SYTL5: variants seen among roughly 807,000 people sequenced by gnomAD.
The protein encoded by SYTL5 is synaptotagmin like 5, also known as synaptotagmin-like protein 5.
Under a neutral mutation model 55.9 loss-of-function variants are expected in SYTL5, and 34 were observed. The observed-to-expected ratio is 0.61, with a 90% CI of 0.46 to 0.81. The LOEUF is 0.81. Among genes scored for constraint, SYTL5 ranks in the 30% least tolerant of loss-of-function variants. The pLI is 0.00. For synonymous variants in SYTL5, 221 were observed against 188.7 expected (o/e 1.17, Z -1.40); for missense variants, 637 against 546.7 (o/e 1.17, Z -1.65).
At chrX:38,007,133 T>C (rs1934017831) in intron 1 of SYTL5, among the ~76,000 whole-genome samples, 1 of 111,813 alleles carries the variant, frequency 8.9e-6, no homozygotes. Context: ...TATTAGAAAA[T>C]TTAGATGTTT....
chrX:38,087,711 A>T (rs1474936), intron 6 of SYTL5, among the ~76,000 whole-genome samples: 33,882 of 110,822 alleles, frequency 0.31, 4,397 homozygotes, highest in African/African-American at 0.47. Context: ...CCTTTGATTA[A>T]CTTCTGTTTG....
At chrX:38,056,239 A>G (rs937824392) in intron 3 of SYTL5, among the ~76,000 whole-genome samples, 1 of 111,744 alleles carries the variant, frequency 8.9e-6, no homozygotes, top group Non-Finnish European at 1.9e-5. Context: ...TGCCTAGCTT[A>G]TTTCACTTAA....
chrX:37,949,241 C>T, the SYTL5 span: 1 of 111,689 alleles, frequency 9.0e-6, no homozygotes, highest in Non-Finnish European at 1.9e-5. Flanking sequence ...CCTTTAAATG[C>T]TACTTTGTTA....
At chrX:37,969,454 A>T in the SYTL5 span, among the ~76,000 whole-genome samples, 5 of 112,009 alleles carry the variant, frequency 4.5e-5, no homozygotes, top group African/African-American at 1.6e-4. Flanking sequence ...TTGAAGTGAA[A>T]CATCACTTCC....
At chrX:37,981,700 A>G in the SYTL5 span, among the ~76,000 whole-genome samples, 1 of 111,845 alleles carries the variant, frequency 8.9e-6, no homozygotes, top group Non-Finnish European at 1.9e-5. Flanking sequence ...GTTAGAAGCA[A>G]CAGAACAATC....
chrX:38,112,780 C>T (rs142472819), intron 13 of SYTL5, among the ~76,000 whole-genome samples: 3,886 of 111,879 alleles, frequency 0.035, 65 homozygotes, highest in Middle Eastern at 0.068. Context: ...TGAAGTGGCA[C>T]TTCAGTTTCA....
At chrX:38,122,741 C>A (rs1937585898) in intron 15 of SYTL5, among the ~76,000 whole-genome samples, 1 of 112,145 alleles carries the variant, frequency 8.9e-6, no homozygotes, top group African/African-American at 3.2e-5. Context: ...GGGCAGCTTC[C>A]TGAGGGAATG....
chrX:38,037,827 T>TAGAC (rs1448531927), intron 2 of SYTL5, among the ~76,000 whole-genome samples: 1 of 110,662 alleles, frequency 9.0e-6, no homozygotes, highest in Non-Finnish European at 1.9e-5. Flanking sequence ...GATAGATAGA[T>TAGAC]AGATAGATAA....
chrX:38,116,229 T>C (rs1383846542), intron 13 of SYTL5, among the ~76,000 whole-genome samples: 1 of 112,291 alleles, frequency 8.9e-6, no homozygotes, highest in Admixed American at 9.4e-5. Context: ...GGCACTTTTG[T>C]TGAAAATCAA....
At chrX:38,119,037 C>T (rs981181929) in intron 13 of SYTL5, among the ~76,000 whole-genome samples, 7 of 103,988 alleles carry the variant, frequency 6.7e-5, no homozygotes, top group African/African-American at 2.2e-4. Flanking sequence ...TGGTCTCAAA[C>T]TCCTGGGCTC....
the SYTL5 span, among the ~76,000 whole-genome samples, chrX:37,905,916 C>T: frequency 8.8e-6 from 1 of 113,176 alleles, no homozygotes; most frequent in Non-Finnish European, 1.9e-5. Context: ...CGCCTGGAGA[C>T]CGCGTCTCTC....
At chrX:37,942,204 AATTTTATGGC>A in the SYTL5 span, among the ~76,000 whole-genome samples, 1 of 112,036 alleles carries the variant, frequency 8.9e-6, no homozygotes, top group African/African-American at 3.2e-5. Context: ...TACATATGTG[AATTTTATGGC>A]ATTTTTTCAT....
chrX:37,995,748 A>G, the SYTL5 span, among the ~76,000 whole-genome samples: 1 of 112,362 alleles, frequency 8.9e-6, no homozygotes, highest in Admixed American at 9.4e-5. Flanking sequence ...TAGGATGGGT[A>G]ATGGCAGTGA....
chrX:37,892,166 T>C, the SYTL5 span, among the ~76,000 whole-genome samples: 3 of 110,379 alleles, frequency 2.7e-5, no homozygotes, highest in African/African-American at 9.9e-5. Context: ...GCCATAGGTA[T>C]ACCTGGGATA....
In SYTL5 at chrX:38,054,206, C is replaced by G. The variant is rs1322186995; in HGVS notation, c.120-7C>G. 3 of 1,193,548 alleles carry G rather than the reference C, an allele frequency of 2.5e-6. No individual in the cohort carries two copies. Among genetic ancestry groups the G allele is most frequent in the Non-Finnish European group, 3.4e-6 (3 of 883,728 alleles). On this transcript the variant is annotated splice_polypyrimidine_tract_variant and splice_region_variant and intron_variant, in intron 2 of 16. Transcript: ENST00000297875. ...TTTAAGTGATTTTTTTTCCCCTCTT[C>G]TTTCAGGAAGCTGAAAAATGAACTC...
At chrX:37,910,967 C>CTTTTTTTTTTT in the SYTL5 span, among the ~76,000 whole-genome samples, 174 of 82,691 alleles carry the variant, frequency 2.1e-3, 3 homozygotes, top group Non-Finnish European at 2.7e-3. Flanking sequence ...GATAGCATTA[C>CTTTTTTTTTTT]TTTTTTTTTT....
chrX:38,044,897 G>A (rs765864512), intron 2 of SYTL5, among the ~76,000 whole-genome samples: 17 of 111,788 alleles, frequency 1.5e-4, no homozygotes, highest in African/African-American at 5.5e-4. Context: ...TGCTAATTAC[G>A]TATGAGATAA....
intron 6 of SYTL5, among the ~76,000 whole-genome samples, chrX:38,084,949 A>G (rs1936632702): frequency 9.0e-6 from 1 of 111,068 alleles, no homozygotes; most frequent in African/African-American, 3.3e-5. Context: ...TCAACCATTT[A>G]AAAATGTAAA....
chrX:37,965,593 G>A, the SYTL5 span, among the ~76,000 whole-genome samples: 1 of 111,626 alleles, frequency 9.0e-6, no homozygotes, highest in African/African-American at 3.2e-5. Flanking sequence ...CTTTGGGGTG[G>A]AATATTCTGT....
Sources: allele counts gnomAD v4.1 joint callset (sites outside exome capture counted in the v4.1 genomes callset), GRCh38; gene constraint gnomAD v4.1.1; transcripts MANE v1.5; gene names NCBI Gene and HGNC (gene_info 2026-07-23, HGNC 2026-07-21).